Variants in AR observed in about 807,000 individuals in gnomAD.
The protein encoded by AR is dihydrotestosterone receptor.
In AR, 8 loss-of-function variants were observed where a neutral mutation model predicts 53.9. That is an observed-to-expected ratio of 0.15 (90% CI 0.09 to 0.27). The LOEUF (loss-of-function observed/expected upper bound fraction) is 0.27. Among genes scored for constraint, AR ranks in the 10% least tolerant of loss-of-function variants. The pLI is 1.00. For synonymous variants in AR, 359 were observed against 316.4 expected, an observed-to-expected ratio of 1.13 and a Z score of -1.43; for missense variants, 639 against 742.5, an observed-to-expected ratio of 0.86 and a Z score of 1.62.
intron 2 of AR, among the ~76,000 whole-genome samples, chrX:67,649,643 T>C (rs1420923366): frequency 1.8e-5 from 2 of 112,717 alleles, no homozygotes; most frequent in African/African-American, 6.4e-5. Flanking sequence ...TAAGCTTTTT[T>C]TCATATGTTT....
intron 1 of AR, among the ~76,000 whole-genome samples, chrX:67,555,324 T>C (rs1177039278): frequency 8.9e-6 from 1 of 112,029 alleles, no homozygotes; most frequent in Non-Finnish European, 1.9e-5. Context: ...TCTTGATGTA[T>C]ATTTTAAATA....
intron 3 of AR, among the ~76,000 whole-genome samples, chrX:67,705,558 G>A (rs1458903322): frequency 9.0e-6 from 1 of 111,391 alleles, no homozygotes; most frequent in African/African-American, 3.3e-5. Context: ...GAGACAATGG[G>A]GTTTTCTAGA....
chrX:67,649,388 C>A (rs2147445099), intron 2 of AR, among the ~76,000 whole-genome samples: 1 of 111,881 alleles, frequency 8.9e-6, no homozygotes, highest in East Asian at 2.8e-4. Flanking sequence ...GGGTATATAC[C>A]CAGTAATGGG....
chrX:67,663,507 T>C (rs1487589908), intron 2 of AR, among the ~76,000 whole-genome samples: 2 of 112,632 alleles, frequency 1.8e-5, no homozygotes, highest in East Asian at 2.8e-4. Context: ...CTTAATCTGA[T>C]GGGCTTCCCT....
intron 3 of AR, among the ~76,000 whole-genome samples, chrX:67,702,126 T>G (rs920171228): frequency 1.8e-5 from 2 of 111,737 alleles, no homozygotes; most frequent in Non-Finnish European, 3.8e-5. Context: ...TTACCTCAGT[T>G]TATTCATTTG....
rs773170325 is a variant in AR, at chrX:67,546,412, C to T, written c.1266C>T (p.Pro422=). ...ASLHGAGAAG[P]GSGSPSAAAS... is the part of the protein sequence containing the mutation. ...TGCATGGCGCGGGTGCAGCGGGACCCGGTTCTGGGTCACCCTCAGCCGCCG... is the reference window on the plus strand; with the variant it reads ...TGCATGGCGCGGGTGCAGCGGGACCTGGTTCTGGGTCACCCTCAGCCGCCG... The change falls in exon 1 of 8, where the codon CCC becomes CCT. Residue 422 remains proline, a synonymous_variant. Transcript: ENST00000374690. The T allele has an allele frequency of 1.4e-5, 17 of 1,183,426 alleles. No homozygotes were observed. In the South Asian group the frequency reaches 2.6e-4, roughly 18 times the overall value.
chrX:67,575,956 AG>A (rs1422458430), intron 1 of AR, among the ~76,000 whole-genome samples: 2 of 111,731 alleles, frequency 1.8e-5, no homozygotes, highest in Non-Finnish European at 3.8e-5. Context: ...AATGAGGCAA[AG>A]GAAGAGAAAA....
chrX:67,697,415 C>T (rs952560438), intron 3 of AR, among the ~76,000 whole-genome samples: 6 of 111,347 alleles, frequency 5.4e-5, no homozygotes, highest in Non-Finnish European at 1.1e-4. Context: ...ATCTTACACA[C>T]ATACTCATCC....
chrX:67,702,392 T>C (rs1405047566), intron 3 of AR, among the ~76,000 whole-genome samples: 12 of 111,360 alleles, frequency 1.1e-4, no homozygotes, highest in Non-Finnish European at 3.8e-5. Context: ...CAAGAACTCA[T>C]GTTTGCAATA....
intron 2 of AR, among the ~76,000 whole-genome samples, chrX:67,677,985 A>G (rs2075910506): frequency 9.0e-6 from 1 of 111,668 alleles, no homozygotes; most frequent in Non-Finnish European, 1.9e-5. Context: ...TGGACTGGCA[A>G]TGAGGACACC....
chrX:67,606,212 T>C (rs1923618061), intron 1 of AR, among the ~76,000 whole-genome samples: 1 of 111,085 alleles, frequency 9.0e-6, no homozygotes, highest in African/African-American at 3.3e-5. Flanking sequence ...TGCTAGTACA[T>C]TGAGTTTAAG....
chrX:67,716,961 C>A (rs2076115839), intron 4 of AR, among the ~76,000 whole-genome samples: 1 of 111,677 alleles, frequency 9.0e-6, no homozygotes. Flanking sequence ...TGGACAAGTT[C>A]CTTAACCTCT....
At chrX:67,567,477 A>G (rs2147342943) in intron 1 of AR, among the ~76,000 whole-genome samples, 1 of 110,977 alleles carries the variant, frequency 9.0e-6, no homozygotes, top group Non-Finnish European at 1.9e-5. Context: ...CTGTTTCCCT[A>G]GTCTCCGTGC....
intron 1 of AR, 92 bp from the exon 2 acceptor site, chrX:67,643,164 G>A (rs2147435237): frequency 9.7e-7 from 1 of 1,034,664 alleles, no homozygotes; most frequent in Non-Finnish European, 1.4e-6. Flanking sequence ...AGTCATTTAT[G>A]CCTGCAGGTT....
At chrX:67,568,852 A>G in intron 1 of AR, 1 of 1,163,701 alleles carries the variant, frequency 8.6e-7, no homozygotes, top group Non-Finnish European at 1.1e-6. Context: ...CTGCGAGCAG[A>G]GAGGGATTCC....
At chrX:67,696,407 T>G (rs970348929) in intron 3 of AR, among the ~76,000 whole-genome samples, 1 of 111,740 alleles carries the variant, frequency 8.9e-6, no homozygotes, top group African/African-American at 3.3e-5. Context: ...GCCCCTTTCT[T>G]CTGGCTCAGT....
chrX:67,706,133 T>C (rs2076066077), intron 3 of AR, among the ~76,000 whole-genome samples: 2 of 111,842 alleles, frequency 1.8e-5, no homozygotes, highest in Admixed American at 9.5e-5. Context: ...TCTGCCAGGC[T>C]TTGGTATCAG....
intron 1 of AR, among the ~76,000 whole-genome samples, chrX:67,629,769 G>A (rs1284327391): frequency 1.8e-5 from 2 of 109,919 alleles, no homozygotes; most frequent in African/African-American, 6.6e-5. Context: ...TCTCTTGCGG[G>A]CATTTAGTGC....
At chrX:67,627,794 A>G (rs1262352284) in intron 1 of AR, among the ~76,000 whole-genome samples, 6 of 111,502 alleles carry the variant, frequency 5.4e-5, no homozygotes, top group Non-Finnish European at 1.1e-4. Context: ...TCTTTAATCC[A>G]TCTCGAATTG....
Sources: allele counts gnomAD v4.1 joint callset (sites outside exome capture counted in the v4.1 genomes callset), GRCh38; gene constraint gnomAD v4.1.1; transcripts MANE v1.5; gene names NCBI Gene and HGNC (gene_info 2026-07-23, HGNC 2026-07-21).